Variants in UBE2E2 observed in about 807,000 individuals in gnomAD.
UBE2E2 encodes the protein ubiquitin conjugating enzyme E2 E2.
UBE2E2 carries 6 observed loss-of-function variants against 24.7 expected under a neutral mutation model. The ratio of observed to expected loss-of-function variants is 0.24; its 90% CI spans 0.13 to 0.48. UBE2E2 has a LOEUF of 0.48. Among genes scored for constraint, UBE2E2 ranks in the 20% least tolerant of loss-of-function variants. The pLI, the probability that UBE2E2 is intolerant of heterozygous loss-of-function variation, is 0.99. For missense variants in UBE2E2, 169 were observed against 245.0 expected (o/e 0.69, Z 2.07); for synonymous variants, 104 against 83.6 (o/e 1.24, Z -1.33).
chr3:23,522,001 G>T (rs73043687), intron 4 of UBE2E2, among the ~76,000 whole-genome samples: 43,595 of 151,358 alleles, frequency 0.29, 6,630 homozygotes, highest in African/African-American at 0.38. Flanking sequence ...TAGATACCAG[G>T]TTATCTTTAT....
intron 3 of UBE2E2, among the ~76,000 whole-genome samples, chr3:23,260,397 A>G (rs1269683828): frequency 6.6e-6 from 1 of 152,258 alleles, no homozygotes; most frequent in African/African-American, 2.4e-5. Flanking sequence ...CCCAGAAAAT[A>G]TGAAATGTAG....
chr3:23,470,649 T>G (rs1699014755), intron 3 of UBE2E2, among the ~76,000 whole-genome samples: 1 of 152,218 alleles, frequency 6.6e-6, no homozygotes, highest in Admixed American at 6.5e-5. Flanking sequence ...CTTAGAAAAC[T>G]TAAGAACTGC....
chr3:23,295,580 T>A (rs2125253767), intron 3 of UBE2E2, among the ~76,000 whole-genome samples: 1 of 152,276 alleles, frequency 6.6e-6, no homozygotes, highest in East Asian at 1.9e-4. Context: ...CCAAGAGAAG[T>A]ATGGGAAGTC....
chr3:23,480,075 C>T (rs1699224991), intron 3 of UBE2E2, among the ~76,000 whole-genome samples: 2 of 152,206 alleles, frequency 1.3e-5, no homozygotes, highest in Non-Finnish European at 2.9e-5. Flanking sequence ...AGGAACCTAT[C>T]TGCTTTTCAT....
chr3:23,400,267 A>G (rs1354961552), intron 3 of UBE2E2, among the ~76,000 whole-genome samples: 2 of 152,262 alleles, frequency 1.3e-5, no homozygotes, highest in African/African-American at 2.4e-5. Flanking sequence ...ATTCTTACCA[A>G]TTTCTTTGTC....
chr3:23,421,275 T>C (rs1348168764), intron 3 of UBE2E2, among the ~76,000 whole-genome samples: 5 of 152,244 alleles, frequency 3.3e-5, no homozygotes, highest in Non-Finnish European at 7.3e-5. Flanking sequence ...TCTGTTACAG[T>C]CTAGCACAAC....
At chr3:23,467,668 C>A (rs972187066) in intron 3 of UBE2E2, among the ~76,000 whole-genome samples, 1 of 151,840 alleles carries the variant, frequency 6.6e-6, no homozygotes, top group Non-Finnish European at 1.5e-5. Context: ...GTTATGTAAC[C>A]CCACCATTTA....
chr3:23,408,015 ACAATGT>A (rs1415918632), intron 3 of UBE2E2, among the ~76,000 whole-genome samples: 3 of 152,138 alleles, frequency 2.0e-5, no homozygotes, highest in Non-Finnish European at 4.4e-5. Flanking sequence ...ATTAAAAAAT[ACAATGT>A]CACTGAAGTA....
At chr3:23,575,575 CAA>C (rs1696329445) in intron 5 of UBE2E2, among the ~76,000 whole-genome samples, 1 of 151,928 alleles carries the variant, frequency 6.6e-6, no homozygotes, top group African/African-American at 2.4e-5. Context: ...CAGTAGGTAT[CAA>C]ATTAAATACA....
intron 3 of UBE2E2, among the ~76,000 whole-genome samples, chr3:23,462,508 G>A (rs890928468): frequency 6.6e-6 from 1 of 151,980 alleles, no homozygotes; most frequent in Non-Finnish European, 1.5e-5. Context: ...TATTCACGAC[G>A]AACCCTGAAT....
chr3:23,242,988 A>G (rs975420476), intron 3 of UBE2E2, among the ~76,000 whole-genome samples: 3 of 151,950 alleles, frequency 2.0e-5, no homozygotes, highest in African/African-American at 4.8e-5. Context: ...TGGGAGGCTG[A>G]GGCAGGAGAA....
chr3:23,318,186 A>C (rs1304837744), intron 3 of UBE2E2, among the ~76,000 whole-genome samples: 1 of 152,042 alleles, frequency 6.6e-6, no homozygotes, highest in African/African-American at 2.4e-5. Context: ...TGAATGAATG[A>C]CAGGGTCTTG....
chr3:23,400,862 C>G lies in UBE2E2; in HGVS notation c.228-98746C>G, dbSNP rs554361160. ...ACCAGTATTTATTGGGTACTTAAGG[C>G]TATTCTGGGTACTAGGGATACAGCT... On this transcript the variant is annotated intron_variant, in intron 3 of 5. Transcript: ENST00000396703. Among the ~76,000 whole-genome samples the G allele has an allele frequency of 4.0e-4, 61 of 152,094 alleles. 1 individual carries two copies. The South Asian group carries it at 0.012, about 30-fold the overall frequency.
intron 3 of UBE2E2, among the ~76,000 whole-genome samples, chr3:23,471,370 C>T (rs778465): frequency 0.17 from 25,707 of 151,918 alleles, 2,322 homozygotes; most frequent in East Asian, 0.23. Context: ...CCTTATAAAC[C>T]CCCAAATACT....
At chr3:23,380,623 C>T (rs1335126670) in intron 3 of UBE2E2, among the ~76,000 whole-genome samples, 2 of 152,152 alleles carry the variant, frequency 1.3e-5, no homozygotes, top group Non-Finnish European at 2.9e-5. Flanking sequence ...GAATTGATTT[C>T]CCTGACCTTA....
rs530944961 is a variant in UBE2E2 at position 23,350,902 on chromosome 3, C to T, written c.227+133590C>T. On this transcript the variant is annotated intron_variant, in intron 3 of 5. Coordinates refer to ENST00000396703, the MANE Select transcript of UBE2E2 (RefSeq NM_152653.4). ...TACAGAGAACGCCTCAAAGATACTC[C>T]TCGAGAAGAGCAACTCCAAGACACA... 6.6e-4 allele frequency among the ~76,000 whole-genome samples: 100 copies of T among 152,210 alleles called. 1 individual carries two copies. The highest frequency in any genetic ancestry group is 2.4e-3 in the African/African-American group (98 of 41,532).
At position 23,215,096 on chromosome 3, in the gene UBE2E2, A is replaced by G. The variant is rs150262793; in HGVS notation, c.177-2166A>G. Reference sequence around the variant, plus strand: ...GGTTGCCTTTATAGTCTAAAAATATATATTTAAACTTCTGTTTCTTATTCC... The same window carrying G: ...GGTTGCCTTTATAGTCTAAAAATATGTATTTAAACTTCTGTTTCTTATTCC... On this transcript the variant is annotated intron_variant, in intron 2 of 5. Coordinates refer to ENST00000396703, the MANE Select transcript of UBE2E2 (RefSeq NM_152653.4). Among the ~76,000 whole-genome samples, 1,317 of 152,182 alleles carry G rather than the reference A, an allele frequency of 8.7e-3. 21 individuals are homozygous for G. Among genetic ancestry groups the G allele is most frequent in the African/African-American group, 0.03 (1,236 of 41,532 alleles).
intron 5 of UBE2E2, among the ~76,000 whole-genome samples, chr3:23,534,738 G>C (rs1208330492): frequency 6.6e-6 from 1 of 151,954 alleles, no homozygotes; most frequent in Non-Finnish European, 1.5e-5. Context: ...TACCTACAGA[G>C]GTAGGAAAGA....
intron 5 of UBE2E2, among the ~76,000 whole-genome samples, chr3:23,569,699 A>G (rs1169233033): frequency 6.6e-6 from 1 of 152,196 alleles, no homozygotes; most frequent in Non-Finnish European, 1.5e-5. Context: ...TTGCAACCCA[A>G]TAGCTTCTCA....
Sources: allele counts gnomAD v4.1 joint callset (sites outside exome capture counted in the v4.1 genomes callset), GRCh38; gene constraint gnomAD v4.1.1; transcripts MANE v1.5; gene names NCBI Gene and HGNC (gene_info 2026-07-23, HGNC 2026-07-21).